Variants in CACNA1D observed in about 807,000 individuals in gnomAD.
CACNA1D encodes the protein voltage-dependent L-type calcium channel subunit alpha-1D.
CACNA1D carries 55 observed loss-of-function variants against 257.1 expected under a neutral mutation model. The observed-to-expected ratio is 0.21, with a 90% CI of 0.17 to 0.27. CACNA1D has a LOEUF of 0.27. Ranked by LOEUF, CACNA1D falls within the 10% of genes least tolerant of loss-of-function variation. The pLI is 1.00. For missense variants in CACNA1D, 1,876 were observed against 2,784.0 expected, an observed-to-expected ratio of 0.67 and a Z score of 7.34; for synonymous variants, 980 against 1,014.9, an observed-to-expected ratio of 0.97 and a Z score of 0.65.
At chr3:53,659,304 G>T (rs1301244732) in intron 4 of CACNA1D, among the ~76,000 whole-genome samples, 1 of 152,172 alleles carries the variant, frequency 6.6e-6, no homozygotes, top group Admixed American at 6.5e-5. Context: ...AGAGAATGAT[G>T]ATATTAATAC....
chr3:53,501,396 A>G (rs2090596227), intron 2 of CACNA1D, among the ~76,000 whole-genome samples: 1 of 152,204 alleles, frequency 6.6e-6, no homozygotes, highest in Non-Finnish European at 1.5e-5. Context: ...AACAGAAGAA[A>G]AGGACACGGA....
intron 3 of CACNA1D, among the ~76,000 whole-genome samples, chr3:53,505,127 T>G (rs1285777422): frequency 6.8e-6 from 1 of 147,666 alleles, no homozygotes; most frequent in Non-Finnish European, 1.5e-5. Context: ...TTTTTTTTTT[T>G]TTTTTTTTTG....
chr3:53,795,981 A>G (rs951024726), intron 40 of CACNA1D: 6 of 189,902 alleles, frequency 3.2e-5, no homozygotes, highest in Admixed American at 5.4e-5. Flanking sequence ...TGACACAAGG[A>G]CCATTCACAA....
At chr3:53,582,522 G>A (rs1446801699) in intron 3 of CACNA1D, among the ~76,000 whole-genome samples, 1 of 152,026 alleles carries the variant, frequency 6.6e-6, no homozygotes, top group Non-Finnish European at 1.5e-5. Flanking sequence ...TTGGAAAGGG[G>A]GACTGGGATG....
At chr3:53,762,397 GTGGCGTATCTATAACA>G (rs2095308662) in intron 30 of CACNA1D, among the ~76,000 whole-genome samples, 1 of 152,262 alleles carries the variant, frequency 6.6e-6, no homozygotes, top group Non-Finnish European at 1.5e-5. Context: ...GATACCCACA[GTGGCGTATCTATAACA>G]TGTTTATTTT....
At chr3:53,504,995 C>A (rs986580998) in intron 3 of CACNA1D, among the ~76,000 whole-genome samples, 4 of 152,140 alleles carry the variant, frequency 2.6e-5, no homozygotes, top group African/African-American at 9.7e-5. Context: ...CTGCACTCAC[C>A]TCTAAGCCAT....
intron 3 of CACNA1D, among the ~76,000 whole-genome samples, chr3:53,618,706 C>T (rs1285797231): frequency 1.3e-5 from 2 of 152,188 alleles, no homozygotes; most frequent in African/African-American, 2.4e-5. Flanking sequence ...AATCTCTGCT[C>T]GTTGGTCAGA....
At chr3:53,772,251 G>A (rs963777516) in intron 32 of CACNA1D, among the ~76,000 whole-genome samples, 8 of 152,146 alleles carry the variant, frequency 5.3e-5, no homozygotes, top group Non-Finnish European at 1.5e-5. Flanking sequence ...TTCAGAAGGT[G>A]TACATCTTAA....
chr3:53,715,595 G>A (rs748868894), intron 9 of CACNA1D, among the ~76,000 whole-genome samples: 8 of 152,104 alleles, frequency 5.3e-5, no homozygotes, highest in Non-Finnish European at 1.2e-4. Flanking sequence ...CAGCCCTGGG[G>A]ACCCAGCACT....
At chr3:53,768,873 G>A (rs888971285) in intron 30 of CACNA1D, among the ~76,000 whole-genome samples, 3 of 152,124 alleles carry the variant, frequency 2.0e-5, no homozygotes, top group South Asian at 2.1e-4. Context: ...ACATCCAGAC[G>A]TGCACACATG....
intron 39 of CACNA1D, among the ~76,000 whole-genome samples, chr3:53,784,862 C>T (rs766436573): frequency 2.6e-5 from 4 of 152,128 alleles, no homozygotes; most frequent in South Asian, 2.1e-4. Flanking sequence ...TGGCTGGAGA[C>T]GGCCATCTCT....
At position 53,731,067 on chromosome 3, in the gene CACNA1D, TTC is replaced by T; in HGVS notation, c.2337-6_2337-5del. On this transcript the variant is annotated splice_region_variant and splice_polypyrimidine_tract_variant and intron_variant, in intron 16 of 47. Coordinates refer to ENST00000350061, the MANE Select transcript of CACNA1D (RefSeq NM_001128840.3). Reference sequence around the variant, plus strand: ...ATTTGGTTTCTTGTGCTCTTTTCTCTTCTCTTTAGAAAAGAGAGCCTAGAAAA... The same window carrying T: ...ATTTGGTTTCTTGTGCTCTTTTCTCTTCTTTAGAAAAGAGAGCCTAGAAAA... The T allele has an allele frequency of 1.3e-6, 2 of 1,568,232 alleles. No homozygotes were observed. The highest frequency in any genetic ancestry group is 1.8e-6 in the Non-Finnish European group (2 of 1,138,572).
chr3:53,548,019 C>T (rs2092449488), intron 3 of CACNA1D, among the ~76,000 whole-genome samples: 2 of 152,204 alleles, frequency 1.3e-5, no homozygotes, highest in Admixed American at 6.5e-5. Context: ...CCAGATTTTA[C>T]AGCTGGGTAG....
intron 4 of CACNA1D, among the ~76,000 whole-genome samples, chr3:53,658,789 A>G (rs1326007554): frequency 2.0e-5 from 3 of 152,244 alleles, no homozygotes; most frequent in Admixed American, 1.3e-4. Flanking sequence ...TTCCTCAGTC[A>G]TAACTAGGGA....
chr3:53,717,320 T>G (rs1303078133), intron 9 of CACNA1D, among the ~76,000 whole-genome samples: 2 of 152,250 alleles, frequency 1.3e-5, no homozygotes, highest in African/African-American at 4.8e-5. Context: ...AGCTGGGGGC[T>G]GCCTGTCCCT....
At chr3:53,515,042 T>A (rs1389087787) in intron 3 of CACNA1D, among the ~76,000 whole-genome samples, 1 of 152,148 alleles carries the variant, frequency 6.6e-6, no homozygotes, top group Non-Finnish European at 1.5e-5. Context: ...AAAGGGTGGT[T>A]AATTCCCTTG....
chr3:53,792,755 C>T (rs2095490196), intron 40 of CACNA1D, among the ~76,000 whole-genome samples: 1 of 152,168 alleles, frequency 6.6e-6, no homozygotes, highest in Non-Finnish European at 1.5e-5. Flanking sequence ...GGGTCTTTTC[C>T]AGTGGTGTCT....
rs956642737 is a variant in CACNA1D, at chr3:53,665,727, A to G, written c.834A>G (p.Val278=). The change falls in exon 6 of 48, where the codon GTA becomes GTG. Residue 278 remains valine (V), a synonymous_variant. Coordinates refer to ENST00000350061, the MANE Select transcript of CACNA1D (RefSeq NM_001128840.3). The part of the protein sequence containing the change: ...MVPLLHIALL[V]LFVIIIYAII... The stretch of plus-strand genomic sequence containing the variant: ...CCCTCCTTCACATAGCCCTTTTGGT[A>G]TTATTTGTAATCATAATCTATGCTA... 6.2e-7 allele frequency: 1 copy of G among 1,603,830 alleles called. No homozygotes were observed. The highest frequency in any genetic ancestry group is 1.3e-5 in the African/African-American group (1 of 74,646).
intron 3 of CACNA1D, among the ~76,000 whole-genome samples, chr3:53,578,028 G>C (rs116383402): frequency 1.5e-4 from 23 of 152,238 alleles, no homozygotes; most frequent in Non-Finnish European, 2.6e-4. Context: ...CAAAAATTAC[G>C]TATGGAGCCT....
Sources: allele counts gnomAD v4.1 joint callset (sites outside exome capture counted in the v4.1 genomes callset), GRCh38; gene constraint gnomAD v4.1.1; transcripts MANE v1.5; gene names NCBI Gene and HGNC (gene_info 2026-07-23, HGNC 2026-07-21).